The following SAMD8 variants were observed in gnomAD, a reference collection of about 807,000 sequenced individuals.
SAMD8 encodes the protein sterile alpha motif domain containing 8.
Under a neutral mutation model 42.0 loss-of-function variants are expected in SAMD8, and 20 were observed. That is an observed-to-expected ratio of 0.48 (90% CI 0.34 to 0.69). SAMD8 has a LOEUF of 0.69. SAMD8 is among the 30% of genes least tolerant of loss of function. SAMD8 has a pLI of 0.01. For synonymous variants in SAMD8, 162 were observed against 173.0 expected, an observed-to-expected ratio of 0.94 and a Z score of 0.50; for missense variants, 328 against 511.6, an observed-to-expected ratio of 0.64 and a Z score of 3.46.
rs150357143 is a variant in SAMD8 at position 75,181,212 on chromosome 10, T to C, written c.*4520T>C. 2.0e-4 allele frequency: 30 copies of C among 152,348 alleles called. No individual in the cohort carries two copies. The highest frequency in any genetic ancestry group is 7.2e-4 in the African/African-American group (30 of 41,582). 9.4% of individuals were successfully genotyped at this position (152,348 alleles called of 1,614,324 possible). ...CAAAGGTGTCAATTTTAATGCCAAC[T>C]TGACAGTTTAACAGTTAGTGTTTGT... On this transcript the variant is annotated 3_prime_UTR_variant, in exon 6 of 6. Coordinates refer to ENST00000542569, the MANE Select transcript of SAMD8 (RefSeq NM_001174156.2).
chr10:75,152,848 A>G (rs1427939117), intron 2 of SAMD8, among the ~76,000 whole-genome samples: 1 of 152,250 alleles, frequency 6.6e-6, no homozygotes, highest in Non-Finnish European at 1.5e-5. Flanking sequence ...CCTGGGCAGC[A>G]CAGCGAGACC....
intron 4 of SAMD8, 47 bp downstream of exon 4, chr10:75,168,705 G>C: frequency 1.7e-6 from 2 of 1,201,364 alleles, no homozygotes; most frequent in Non-Finnish European, 1.2e-6. Flanking sequence ...TGGGTTGATG[G>C]CACACTATAT....
At chr10:75,101,930 A>G (rs962592297) in intron 1 of SAMD8, 1 of 1,367,824 alleles carries the variant, frequency 7.3e-7, no homozygotes. Flanking sequence ...GCTGGCTTTC[A>G]GCCGCCTGTC....
At chr10:75,124,393 A>G in intron 1 of SAMD8, among the ~76,000 whole-genome samples, 1 of 152,164 alleles carries the variant, frequency 6.6e-6, no homozygotes, top group East Asian at 1.9e-4. Flanking sequence ...CGGGCAGATC[A>G]CTTGAGGTCA....
At chr10:75,104,403 G>A (rs1848367995) in intron 1 of SAMD8, among the ~76,000 whole-genome samples, 1 of 152,154 alleles carries the variant, frequency 6.6e-6, no homozygotes, top group Non-Finnish European at 1.5e-5. Context: ...TGCACAGTTT[G>A]GTGGATGACA....
intron 1 of SAMD8, among the ~76,000 whole-genome samples, chr10:75,130,275 G>T (rs904212240): frequency 1.3e-5 from 2 of 152,062 alleles, no homozygotes; most frequent in African/African-American, 4.8e-5. Flanking sequence ...GCCGAGGCAG[G>T]CAGATCACCT....
chr10:75,122,932 G>A (rs1849037706), intron 1 of SAMD8, among the ~76,000 whole-genome samples: 1 of 152,086 alleles, frequency 6.6e-6, no homozygotes, highest in African/African-American at 2.4e-5. Flanking sequence ...TATTGAACCA[G>A]CCTTGCATCC....
chr10:75,175,293 G>C (rs1840966487), intron 4 of SAMD8, among the ~76,000 whole-genome samples: 1 of 152,124 alleles, frequency 6.6e-6, no homozygotes, highest in Non-Finnish European at 1.5e-5. Flanking sequence ...ATTCATTGCT[G>C]CCTCAATATA....
chr10:75,174,081 A>C (rs1470677426), intron 4 of SAMD8, among the ~76,000 whole-genome samples: 3 of 152,176 alleles, frequency 2.0e-5, no homozygotes, highest in African/African-American at 4.8e-5. Flanking sequence ...TATTATAATA[A>C]TACTAGTATG....
intron 2 of SAMD8, among the ~76,000 whole-genome samples, chr10:75,163,775 C>T (rs1227604540): frequency 1.3e-5 from 2 of 152,094 alleles, no homozygotes; most frequent in African/African-American, 4.8e-5. Context: ...CTCCCTCTCT[C>T]TCCTTTTTCT....
intron 2 of SAMD8, among the ~76,000 whole-genome samples, chr10:75,158,365 G>T (rs915619904): frequency 1.3e-5 from 2 of 152,140 alleles, no homozygotes; most frequent in Non-Finnish European, 2.9e-5. Context: ...GCCGAGGCAG[G>T]TGGATCACCT....
intron 1 of SAMD8, among the ~76,000 whole-genome samples, chr10:75,118,084 A>G (rs147097136): frequency 0.014 from 2,208 of 152,344 alleles, 21 homozygotes; most frequent in Admixed American, 0.018. Flanking sequence ...GAGTGAAATT[A>G]TAAGAGTTCA....
intron 1 of SAMD8, among the ~76,000 whole-genome samples, chr10:75,100,641 C>T (rs1187087837): frequency 6.6e-6 from 1 of 152,210 alleles, no homozygotes; most frequent in Non-Finnish European, 1.5e-5. Flanking sequence ...CTGCAGTCTT[C>T]CTTCTCTCCC....
At chr10:75,165,738 G>T (rs1317495659) in intron 3 of SAMD8, among the ~76,000 whole-genome samples, 1 of 151,834 alleles carries the variant, frequency 6.6e-6, no homozygotes, top group African/African-American at 2.4e-5. Context: ...TACTTTAGGA[G>T]GCTGAGGTGG....
chr10:75,119,011 A>C (rs1056057933), intron 1 of SAMD8, among the ~76,000 whole-genome samples: 1 of 152,160 alleles, frequency 6.6e-6, no homozygotes, highest in Non-Finnish European at 1.5e-5. Context: ...CCCTAAGAAA[A>C]ATTTATTAAC....
rs375952553 is a variant in SAMD8 at position 75,177,837 on chromosome 10, A to G, written c.*1145A>G. ...TGATATAACTTAGCTGCTATTTACAACACTAGAAATTTAGTACTTTAAGTA... is the reference window on the plus strand; with the variant it reads ...TGATATAACTTAGCTGCTATTTACAGCACTAGAAATTTAGTACTTTAAGTA... On this transcript the variant is annotated 3_prime_UTR_variant, in exon 6 of 6. Coordinates refer to ENST00000542569, the MANE Select transcript of SAMD8 (RefSeq NM_001174156.2). 6.6e-6 allele frequency: 1 copy of G among 152,322 alleles called. No individual in the cohort carries two copies. Among genetic ancestry groups the G allele is most frequent in the South Asian group, 2.1e-4 (1 of 4,830 alleles). The allele number at this position is 152,322 out of a possible 1,614,324, so 9.4% of individuals were successfully genotyped here.
At position 75,166,936 on chromosome 10, in the gene SAMD8, A is replaced by C. The variant is rs1840696407; in HGVS notation, c.675-1605A>C. Among the ~76,000 whole-genome samples, 3 of 152,198 alleles carry C rather than the reference A, an allele frequency of 2.0e-5. No individual in the cohort carries two copies. The South Asian group carries it at 6.2e-4, about 32-fold the overall frequency. On this transcript the variant is annotated intron_variant, in intron 3 of 5. Coordinates refer to ENST00000542569, the MANE Select transcript of SAMD8 (RefSeq NM_001174156.2). ...CACCTGGGTGCTTGTTAAAATGCAG[A>C]TTCCTAGGTTCCATCTCAGGAGTGC...
intron 1 of SAMD8, among the ~76,000 whole-genome samples, chr10:75,130,596 A>G (rs974982255): frequency 2.0e-5 from 3 of 152,172 alleles, no homozygotes; most frequent in Admixed American, 1.3e-4. Context: ...TCCAAGGAAA[A>G]GCAGCATGAA....
intron 1 of SAMD8, 82 bp downstream of exon 1, chr10:75,111,804 CG>C: frequency 8.1e-7 from 1 of 1,229,090 alleles, no homozygotes; most frequent in Non-Finnish European, 1.0e-6. Flanking sequence ...GGGATGGAGC[CG>C]GGGGCTGCCG....
Sources: gnomAD v4.1 joint callset for allele counts (sites outside exome capture counted in the v4.1 genomes callset) on GRCh38, gnomAD v4.1.1 for gene constraint, MANE v1.5 for transcripts, NCBI Gene and HGNC (gene_info 2026-07-23, HGNC 2026-07-21) for gene names.